The following VRK2 variants were observed in gnomAD, a reference collection of about 807,000 sequenced individuals.
VRK2 encodes VRK serine/threonine kinase 2, also known as serine/threonine-protein kinase VRK2.
VRK2 carries 60 observed loss-of-function variants against 57.6 expected under a neutral mutation model. The observed-to-expected ratio is 1.04, with a 90% CI of 0.85 to 1.29. VRK2 has a LOEUF of 1.29. Among genes scored for constraint, VRK2 ranks in the 50% most tolerant of loss-of-function variants. The pLI is 0.00. For synonymous variants in VRK2, 231 were observed against 199.2 expected, an observed-to-expected ratio of 1.16 and a Z score of -1.35; for missense variants, 705 against 588.1, an observed-to-expected ratio of 1.20 and a Z score of -2.06.
intron 7 of VRK2, among the ~76,000 whole-genome samples, chr2:58,112,057 C>T (rs1675653675): frequency 6.6e-6 from 1 of 152,114 alleles, no homozygotes; most frequent in Non-Finnish European, 1.5e-5. Context: ...TCTGCACAAA[C>T]TCATTTTTGA....
chr2:58,155,642 G>C (rs1683692149), intron 12 of VRK2, among the ~76,000 whole-genome samples: 2 of 152,046 alleles, frequency 1.3e-5, no homozygotes, highest in East Asian at 3.9e-4. Context: ...TGTCTCCACA[G>C]TGCTTGATGG....
intron 1 of VRK2, among the ~76,000 whole-genome samples, chr2:58,012,948 G>C (rs1357689863): frequency 6.6e-6 from 1 of 152,158 alleles, no homozygotes; most frequent in Non-Finnish European, 1.5e-5. Flanking sequence ...TTGAAAGCTT[G>C]ACATGTCAAT....
chr2:58,035,446 A>G (rs1374262617), intron 3 of VRK2, among the ~76,000 whole-genome samples: 1 of 151,992 alleles, frequency 6.6e-6, no homozygotes, highest in Non-Finnish European at 1.5e-5. Flanking sequence ...ATGTACATTA[A>G]AAACTCAAGA....
intron 2 of VRK2, among the ~76,000 whole-genome samples, chr2:58,070,975 G>C (rs2103986998): frequency 6.6e-6 from 1 of 152,186 alleles, no homozygotes; most frequent in East Asian, 1.9e-4. Flanking sequence ...CCAGCATTTA[G>C]CATTGTCTGT....
At chr2:58,007,799 T>G (rs1673294845) in intron 1 of VRK2, among the ~76,000 whole-genome samples, 1 of 152,098 alleles carries the variant, frequency 6.6e-6, no homozygotes, top group Non-Finnish European at 1.5e-5. Context: ...GAGAAAACTT[T>G]AAAATAAAAT....
Position 58,093,150 on chromosome 2 carries a change from A to G in VRK2, c.543+3427A>G, listed in dbSNP as rs555414209. ...CATGTGCATGTGTCTTTATAGCAGC[A>G]TGATTTATAATCCTTTGAGTATATA... On this transcript the variant is annotated intron_variant, in intron 7 of 12. Coordinates refer to ENST00000340157, the MANE Select transcript of VRK2 (RefSeq NM_006296.7). Among the ~76,000 whole-genome samples the G allele has an allele frequency of 1.2e-4, 19 of 152,368 alleles. 1 individual carries two copies. In the South Asian group the frequency reaches 3.9e-3, roughly 32 times the overall value.
At chr2:57,913,514 G>A (rs1054987010) in intron 1 of VRK2, among the ~76,000 whole-genome samples, 3 of 152,028 alleles carry the variant, frequency 2.0e-5, no homozygotes, top group Non-Finnish European at 4.4e-5. Context: ...CTAAATTACA[G>A]AGGAATAAAG....
At chr2:57,908,192 G>A (rs76777085) in intron 1 of VRK2, among the ~76,000 whole-genome samples, 2,737 of 152,266 alleles carry the variant, frequency 0.018, 83 homozygotes, top group African/African-American at 0.062. Context: ...GTTGTACATC[G>A]TATGTGGTTT....
At chr2:57,918,729 T>G (rs967653566) in intron 1 of VRK2, among the ~76,000 whole-genome samples, 4 of 152,120 alleles carry the variant, frequency 2.6e-5, no homozygotes, top group Non-Finnish European at 5.9e-5. Flanking sequence ...GAAAGAAAAC[T>G]CACTTCTACT....
At chr2:58,096,871 G>T (rs969340739) in intron 7 of VRK2, among the ~76,000 whole-genome samples, 2 of 151,682 alleles carry the variant, frequency 1.3e-5, no homozygotes, top group Non-Finnish European at 2.9e-5. Flanking sequence ...ATTTTGATAT[G>T]TAATGTTTTT....
At position 58,084,986 on chromosome 2, in the gene VRK2, A is replaced by G. The variant is rs745492945; in HGVS notation, c.256+36A>G. ...TTAGCAAAGCAAGCTACTTCCATAT[A>G]TGTGCTTGCTAAAGTGAGTGTTGAT... On this transcript the variant is annotated intron_variant, in intron 4 of 12. Transcript: ENST00000340157. 23 of 1,535,230 alleles carry G rather than the reference A, an allele frequency of 1.5e-5. No homozygotes were observed. The South Asian group carries it at 2.9e-4, about 20-fold the overall frequency.
At chr2:57,926,308 T>C (rs967297020) in intron 1 of VRK2, among the ~76,000 whole-genome samples, 6 of 151,896 alleles carry the variant, frequency 4.0e-5, no homozygotes, top group Non-Finnish European at 7.4e-5. Context: ...ATCTGTCCAA[T>C]GCTGAAAGTT....
At chr2:58,056,152 C>G (rs1676489205) in intron 2 of VRK2, among the ~76,000 whole-genome samples, 2 of 151,906 alleles carry the variant, frequency 1.3e-5, no homozygotes, top group Non-Finnish European at 2.9e-5. Context: ...TCTAAATGCT[C>G]TAAAATTTAC....
At chr2:58,062,669 T>G (rs1209565121) in intron 2 of VRK2, among the ~76,000 whole-genome samples, 2 of 152,008 alleles carry the variant, frequency 1.3e-5, no homozygotes, top group Non-Finnish European at 2.9e-5. Context: ...CAGAGCAAGC[T>G]CCTAACTCTC....
At chr2:58,046,136 C>T (rs976562102), upstream of VRK2, among the ~76,000 whole-genome samples, 1 of 152,198 alleles carries the variant, frequency 6.6e-6, no homozygotes, top group Non-Finnish European at 1.5e-5. Context: ...TGAGCCACCG[C>T]ACCTGGCCAC....
intron 2 of VRK2, among the ~76,000 whole-genome samples, chr2:58,028,908 AT>A (rs35746983): frequency 0.011 from 412 of 37,356 alleles, no homozygotes; most frequent in African/African-American, 0.038. Flanking sequence ...AAATAAATAT[AT>A]ATATATATAT....
At chr2:58,155,048 C>T (rs1467600178) in intron 12 of VRK2, among the ~76,000 whole-genome samples, 9 of 151,984 alleles carry the variant, frequency 5.9e-5, no homozygotes, top group South Asian at 4.2e-4. Context: ...TAGGATATGA[C>T]GGTCTGCCTG....
chr2:58,088,980 T>C (rs958607046), intron 6 of VRK2, among the ~76,000 whole-genome samples: 1 of 152,230 alleles, frequency 6.6e-6, no homozygotes, highest in South Asian at 2.1e-4. Context: ...GTATTTGGTT[T>C]GTTTAAGTCT....
At chr2:58,133,629 C>T (rs922080822) in intron 9 of VRK2, among the ~76,000 whole-genome samples, 2 of 152,152 alleles carry the variant, frequency 1.3e-5, no homozygotes, top group African/African-American at 4.8e-5. Context: ...GAGGTGGTGA[C>T]TCACTCACAC....
Sources: gnomAD v4.1 joint callset for allele counts (sites outside exome capture counted in the v4.1 genomes callset) on GRCh38, gnomAD v4.1.1 for gene constraint, MANE v1.5 for transcripts, NCBI Gene and HGNC (gene_info 2026-07-23, HGNC 2026-07-21) for gene names.